Variants in MYO16 observed in about 807,000 individuals in gnomAD.
The protein encoded by MYO16 is myosin XVI.
Under a neutral mutation model 205.3 loss-of-function variants are expected in MYO16, and 94 were observed. That is an observed-to-expected ratio of 0.46 (90% CI 0.39 to 0.54). The LOEUF (loss-of-function observed/expected upper bound fraction) is 0.54. Among genes scored for constraint, MYO16 ranks in the 20% least tolerant of loss-of-function variants. MYO16 has a pLI of 0.00. For missense variants in MYO16, 2,315 were observed against 2,387.5 expected, an observed-to-expected ratio of 0.97 and a Z score of 0.63; for synonymous variants, 988 against 954.0, an observed-to-expected ratio of 1.04 and a Z score of -0.66.
chr13:108,762,588 T>C (rs1464864994), intron 4 of MYO16, among the ~76,000 whole-genome samples: 3 of 152,208 alleles, frequency 2.0e-5, no homozygotes, highest in Admixed American at 6.5e-5. Context: ...ATTAGTGATG[T>C]TGGGCATTTA....
At chr13:108,968,558 G>A (rs763571885) in intron 20 of MYO16, among the ~76,000 whole-genome samples, 27 of 152,036 alleles carry the variant, frequency 1.8e-4, no homozygotes, top group Non-Finnish European at 3.1e-4. Flanking sequence ...CCTGGGAGGC[G>A]GAGGTTGCAG....
the MYO16 span, among the ~76,000 whole-genome samples, chr13:108,573,003 C>A: frequency 2.6e-5 from 4 of 152,180 alleles, no homozygotes; most frequent in African/African-American, 2.4e-5. Flanking sequence ...GAGGTAATAT[C>A]TGGAGCCACT....
At chr13:108,722,672 C>T (rs1012932612) in intron 3 of MYO16, among the ~76,000 whole-genome samples, 7 of 152,164 alleles carry the variant, frequency 4.6e-5, no homozygotes, top group East Asian at 1.9e-4. Context: ...GCTGAGCTAT[C>T]ACAAAGCTAA....
intron 2 of MYO16, among the ~76,000 whole-genome samples, chr13:108,692,580 G>A (rs750529680): frequency 1.3e-5 from 2 of 152,104 alleles, no homozygotes; most frequent in South Asian, 2.1e-4. Context: ...TCTGGCAAAC[G>A]TTGCGATTGG....
intron 12 of MYO16, among the ~76,000 whole-genome samples, chr13:108,878,617 A>G (rs1879439953): frequency 6.6e-6 from 1 of 152,254 alleles, no homozygotes; most frequent in Non-Finnish European, 1.5e-5. Context: ...AAAAGGCAGA[A>G]GGTCCATTGA....
upstream of MYO16, among the ~76,000 whole-genome samples, chr13:108,627,903 T>C (rs2139347665): frequency 6.6e-6 from 1 of 152,264 alleles, no homozygotes; most frequent in East Asian, 1.9e-4. Context: ...ATAGGCAACA[T>C]ACTATTTATC....
intron 1 of MYO16, among the ~76,000 whole-genome samples, chr13:108,640,704 C>T (rs1228089128): frequency 6.6e-6 from 1 of 152,156 alleles, no homozygotes; most frequent in African/African-American, 2.4e-5. Flanking sequence ...CAAAAATCAT[C>T]AAAGGCCATG....
intron 1 of MYO16, among the ~76,000 whole-genome samples, chr13:108,634,343 G>T (rs1481384750): frequency 2.6e-5 from 4 of 152,106 alleles, no homozygotes; most frequent in African/African-American, 7.2e-5. Context: ...TGTGTCCAAG[G>T]CCAGTGCGCT....
At chr13:108,566,589 G>A in the MYO16 span, among the ~76,000 whole-genome samples, 1 of 151,466 alleles carries the variant, frequency 6.6e-6, no homozygotes, top group African/African-American at 2.4e-5. Context: ...CAGAGATCAT[G>A]CCGTTGCACT....
intron 34 of MYO16, among the ~76,000 whole-genome samples, chr13:109,198,333 C>T (rs1305222049): frequency 6.6e-6 from 1 of 152,110 alleles, no homozygotes; most frequent in Non-Finnish European, 1.5e-5. Flanking sequence ...CAAACCCTAA[C>T]TTCAGAAGCA....
chr13:108,839,892 T>C (rs986462219), intron 9 of MYO16, among the ~76,000 whole-genome samples: 2 of 152,190 alleles, frequency 1.3e-5, no homozygotes, highest in Non-Finnish European at 2.9e-5. Flanking sequence ...AGATTGTAAA[T>C]AGGGTGAAAT....
intron 32 of MYO16, among the ~76,000 whole-genome samples, chr13:109,155,460 G>A (rs1366564786): frequency 6.6e-6 from 1 of 152,188 alleles, no homozygotes; most frequent in Non-Finnish European, 1.5e-5. Context: ...GTCAGTAGAG[G>A]GCCGGGCAAA....
the MYO16 span, among the ~76,000 whole-genome samples, chr13:108,545,823 T>C: frequency 3.3e-5 from 5 of 152,218 alleles, no homozygotes; most frequent in Middle Eastern, 3.4e-3. Context: ...CATGTTGGAG[T>C]CAGAACAAGG....
chr13:109,023,244 A>ATC (rs1886164026), intron 23 of MYO16, among the ~76,000 whole-genome samples: 1 of 98,062 alleles, frequency 1.0e-5, no homozygotes, highest in Non-Finnish European at 1.9e-5. Flanking sequence ...AGATATAAAT[A>ATC]TATATATTTA....
At position 108,665,939 on chromosome 13, in the gene MYO16, T is replaced by G; in HGVS notation, c.82T>G (p.Cys28Gly). ...ATCCCATGAGATGGAAATCGACCAG[T>G]GCTTGCTAGAGTCCCTTCCCCTTGG... ...FRSHEMEIDQCLLESLPLGQR... is the reference protein window; with the variant it reads ...FRSHEMEIDQGLLESLPLGQR... The change falls in exon 2 of 35, where the codon TGC (cysteine) becomes GGC (glycine). Residue 28 changes from cysteine (C) to glycine (G), a missense_variant. Cys to Gly is a radical substitution (Grantham distance 159, BLOSUM62 -3). Transcript: ENST00000457511. 1 of 1,614,124 alleles carries G rather than the reference T, an allele frequency of 6.2e-7. No individual in the cohort carries two copies. Among genetic ancestry groups the G allele is most frequent in the Non-Finnish European group, 8.5e-7 (1 of 1,179,976 alleles).
the MYO16 span, among the ~76,000 whole-genome samples, chr13:108,550,198 A>G: frequency 6.6e-6 from 1 of 152,384 alleles, no homozygotes; most frequent in Middle Eastern, 3.4e-3. Context: ...CTGCTCTTCG[A>G]CACAGCTGCT....
At chr13:109,139,535 A>G (rs1876937225) in intron 31 of MYO16, among the ~76,000 whole-genome samples, 1 of 152,206 alleles carries the variant, frequency 6.6e-6, no homozygotes. Flanking sequence ...CCAGCCACAG[A>G]CAAAACTCCT....
At chr13:108,713,032 C>T (rs1260387607) in intron 3 of MYO16, among the ~76,000 whole-genome samples, 5 of 152,080 alleles carry the variant, frequency 3.3e-5, no homozygotes, top group Non-Finnish European at 2.9e-5. Flanking sequence ...TTTTTTCCTA[C>T]AAGTTGTCCT....
chr13:109,125,308 C>T lies in MYO16; in HGVS notation c.3732C>T (p.Tyr1244=), dbSNP rs1351749058. 2 of 1,613,846 alleles carry T rather than the reference C, an allele frequency of 1.2e-6. No individual in the cohort carries two copies. Among genetic ancestry groups the T allele is most frequent in the Non-Finnish European group, 1.7e-6 (2 of 1,179,998 alleles). Residue 1244 remains tyrosine, a synonymous_variant, in exon 30 of 35, where the codon TAC becomes TAT. Coordinates refer to ENST00000457511, the MANE Select transcript of MYO16 (RefSeq NM_001198950.3). The surrounding 1 kb of genome is among the most constrained non-coding windows in gnomAD (Gnocchi z 4.0). The part of the protein sequence containing the change: ...DRLRSEMNAP[Y]HKEKLEVRNM... ...TCCGTAGTGAAATGAACGCTCCCTA[C>T]CATAAAGAGAAGTTAGAGGTCAGGA...
Sources: allele counts gnomAD v4.1 joint callset (sites outside exome capture counted in the v4.1 genomes callset), GRCh38; gene constraint gnomAD v4.1.1; non-coding constraint Gnocchi (gnomAD v3.1); transcripts MANE v1.5; gene names NCBI Gene and HGNC (gene_info 2026-07-23, HGNC 2026-07-21).